The following NELL2 variants were observed in gnomAD, a reference collection of about 807,000 sequenced individuals.
NELL2 encodes the protein neural EGFL like 2.
In NELL2, 41 loss-of-function variants were observed where a neutral mutation model predicts 109.6. The observed-to-expected ratio is 0.37, with a 90% CI of 0.29 to 0.49. The LOEUF (loss-of-function observed/expected upper bound fraction) is 0.49. NELL2 is among the 20% of genes least tolerant of loss of function. The pLI, the probability that NELL2 is intolerant of heterozygous loss-of-function variation, is 0.98. For synonymous variants in NELL2, 355 were observed against 344.7 expected (o/e 1.03, Z -0.33); for missense variants, 900 against 1,008.3 (o/e 0.89, Z 1.45).
intron 2 of NELL2, among the ~76,000 whole-genome samples, chr12:44,852,267 G>A (rs574591973): frequency 3.4e-4 from 52 of 152,214 alleles, no homozygotes; most frequent in African/African-American, 1.1e-3. Flanking sequence ...GGAAAAAAAC[G>A]TTAACAAATT....
chr12:44,674,860 G>A (rs1353400630), intron 12 of NELL2, among the ~76,000 whole-genome samples: 1 of 152,054 alleles, frequency 6.6e-6, no homozygotes, highest in East Asian at 1.9e-4. Context: ...ATCTTCATTG[G>A]TATCTGAAAG....
chr12:44,629,836 C>T (rs1461621074), intron 13 of NELL2, among the ~76,000 whole-genome samples: 2 of 152,160 alleles, frequency 1.3e-5, no homozygotes, highest in Non-Finnish European at 2.9e-5. Flanking sequence ...TATTTCCTGA[C>T]CTAGAACCGT....
intron 2 of NELL2, among the ~76,000 whole-genome samples, chr12:44,838,268 T>G (rs1187400355): frequency 2.0e-5 from 3 of 152,164 alleles, no homozygotes; most frequent in Non-Finnish European, 4.4e-5. Flanking sequence ...TGTTCCCCAG[T>G]GCACAAAAAG....
intron 9 of NELL2, among the ~76,000 whole-genome samples, chr12:44,727,313 T>TACTG: frequency 6.6e-6 from 1 of 152,222 alleles, no homozygotes; most frequent in South Asian, 2.1e-4. Context: ...TGTTAAGGAT[T>TACTG]ACTGGTGTAG....
chr12:44,873,115 G>A (rs185893540), intron 2 of NELL2, among the ~76,000 whole-genome samples: 10 of 152,290 alleles, frequency 6.6e-5, no homozygotes. Context: ...TATGCCTACT[G>A]AGAACATGGC....
intron 19 of NELL2, among the ~76,000 whole-genome samples, chr12:44,514,598 T>G (rs536823631): frequency 1.3e-5 from 2 of 151,796 alleles, no homozygotes; most frequent in South Asian, 4.1e-4. Flanking sequence ...TAGGTATGTA[T>G]AGAAAAAACA....
At chr12:44,579,046 A>G (rs1231565048) in intron 15 of NELL2, among the ~76,000 whole-genome samples, 1 of 152,116 alleles carries the variant, frequency 6.6e-6, no homozygotes, top group Non-Finnish European at 1.5e-5. Context: ...ATGGATTTTG[A>G]TATGTCCTTT....
At chr12:44,908,527 A>AT (rs2136889230) in intron 1 of NELL2, among the ~76,000 whole-genome samples, 1 of 152,132 alleles carries the variant, frequency 6.6e-6, no homozygotes, top group Admixed American at 6.6e-5. Flanking sequence ...AGTGAGGAAG[A>AT]ATGGAAGACA....
intron 3 of NELL2, among the ~76,000 whole-genome samples, chr12:44,803,232 T>C (rs890277737): frequency 8.5e-4 from 59 of 69,452 alleles, no homozygotes; most frequent in African/African-American, 1.3e-3. Flanking sequence ...CTGCTCCAGA[T>C]TGAAGATGCT....
chr12:44,770,425 GTGGA>G (rs1283779095), intron 9 of NELL2, among the ~76,000 whole-genome samples: 2 of 152,146 alleles, frequency 1.3e-5, no homozygotes, highest in Non-Finnish European at 2.9e-5. Context: ...CTAATAAGTT[GTGGA>G]GTCAGAATTC....
Position 44,890,745 on chromosome 12 carries a change from T to A in NELL2, c.39-14845A>T, listed in dbSNP as rs139887676. Reference sequence around the variant, plus strand: ...TTTTTATTTTATTTTATTTTATTTTTTTTGATACAGAGTCTCACTCTGTCA... The same window carrying A: ...TTTTTATTTTATTTTATTTTATTTTATTTGATACAGAGTCTCACTCTGTCA... On this transcript the variant is annotated intron_variant, in intron 1 of 20. Transcript: ENST00000333837. 5.8e-3 allele frequency among the ~76,000 whole-genome samples: 886 copies of A among 152,182 alleles called. 6 individuals carry two copies. Among genetic ancestry groups the A allele is most frequent in the African/African-American group, 0.02 (843 of 41,512 alleles).
At chr12:44,917,204 G>A (rs1216687293), upstream of NELL2, among the ~76,000 whole-genome samples, 2 of 152,168 alleles carry the variant, frequency 1.3e-5, no homozygotes, top group African/African-American at 4.8e-5. Context: ...GCAAGAAAAT[G>A]TCAAAAGGTC....
intron 12 of NELL2, among the ~76,000 whole-genome samples, chr12:44,681,258 C>G (rs1948488451): frequency 6.7e-6 from 1 of 149,054 alleles, no homozygotes; most frequent in Non-Finnish European, 1.5e-5. Context: ...ATCCTATTTC[C>G]AGCAGTTTTT....
intron 2 of NELL2, among the ~76,000 whole-genome samples, chr12:44,854,821 T>C (rs1274935217): frequency 6.6e-6 from 1 of 152,070 alleles, no homozygotes; most frequent in East Asian, 1.9e-4. Context: ...TACTTAAATG[T>C]TGGAACTTTG....
intron 15 of NELL2, among the ~76,000 whole-genome samples, chr12:44,590,517 AAT>A (rs1944705734): frequency 6.6e-6 from 1 of 152,202 alleles, no homozygotes; most frequent in Admixed American, 6.5e-5. Context: ...TGAATTTTAT[AAT>A]AGTTATTTCG....
intron 13 of NELL2, among the ~76,000 whole-genome samples, chr12:44,642,479 G>A (rs1285753369): frequency 2.0e-5 from 3 of 152,134 alleles, no homozygotes; most frequent in African/African-American, 7.2e-5. Context: ...AGGAGGAAAT[G>A]GGAAGTTTCT....
At chr12:44,745,236 T>G (rs1245039698) in intron 9 of NELL2, among the ~76,000 whole-genome samples, 1 of 150,834 alleles carries the variant, frequency 6.6e-6, no homozygotes, top group Non-Finnish European at 1.5e-5. Context: ...AAAAGGCCTT[T>G]GACAAAATTC....
At chr12:44,825,984 G>A (rs1943698734) in intron 2 of NELL2, among the ~76,000 whole-genome samples, 1 of 151,968 alleles carries the variant, frequency 6.6e-6, no homozygotes, top group Non-Finnish European at 1.5e-5. Context: ...GGAGGTTGCA[G>A]TGAGCCGAGA....
chr12:44,861,856 T>C (rs759210876), intron 2 of NELL2, among the ~76,000 whole-genome samples: 3 of 152,222 alleles, frequency 2.0e-5, no homozygotes, highest in Non-Finnish European at 4.4e-5. Flanking sequence ...ATCTATGAAC[T>C]GGCTGACTGG....
Sources: allele counts gnomAD v4.1 joint callset (sites outside exome capture counted in the v4.1 genomes callset), GRCh38; gene constraint gnomAD v4.1.1; transcripts MANE v1.5; gene names NCBI Gene and HGNC (gene_info 2026-07-23, HGNC 2026-07-21).